The following PARP6 variants were observed in gnomAD, a reference collection of about 807,000 sequenced individuals.
PARP6 encodes poly(ADP-ribose) polymerase family member 6.
PARP6 carries 27 observed loss-of-function variants against 92.0 expected under a neutral mutation model. The ratio of observed to expected loss-of-function variants is 0.29; its 90% CI spans 0.22 to 0.40. The LOEUF (loss-of-function observed/expected upper bound fraction) is 0.40, where lower values mean the gene tolerates loss of function less well. Among genes scored for constraint, PARP6 ranks in the 10% least tolerant of loss-of-function variants. The pLI is 1.00. For missense variants in PARP6, 501 were observed against 784.5 expected, an observed-to-expected ratio of 0.64 and a Z score of 4.32; for synonymous variants, 272 against 281.2, an observed-to-expected ratio of 0.97 and a Z score of 0.33.
intron 4 of PARP6, 25 bp downstream of exon 4, chr15:72,266,720 G>C (rs1419779703): frequency 6.5e-7 from 1 of 1,547,644 alleles, no homozygotes; most frequent in East Asian, 2.2e-5. Flanking sequence ...ATCCAACACG[G>C]GGGTCTTGGG....
chr15:72,265,229 T>G (rs1426105598), intron 6 of PARP6, 58 bp from the exon 7 acceptor site: 2 of 1,257,872 alleles, frequency 1.6e-6, no homozygotes, highest in African/African-American at 2.9e-5. Context: ...GGACCTGAAA[T>G]TTCCCCTATA....
At chr15:72,262,970 T>C (rs1173408211) in intron 8 of PARP6, among the ~76,000 whole-genome samples, 4 of 152,258 alleles carry the variant, frequency 2.6e-5, no homozygotes. Flanking sequence ...CACACATTGA[T>C]GCATATCTTC....
intron 13 of PARP6, among the ~76,000 whole-genome samples, 173 bp from the exon 14 acceptor site, chr15:72,256,763 T>TA (rs1050683983): frequency 6.6e-6 from 1 of 152,224 alleles, no homozygotes; most frequent in African/African-American, 2.4e-5. Context: ...TAATTAAAGA[T>TA]AAAAAACCAT....
At chr15:72,268,559 G>A (rs2086913199) in intron 2 of PARP6, among the ~76,000 whole-genome samples, 1 of 152,246 alleles carries the variant, frequency 6.6e-6, no homozygotes, top group Non-Finnish European at 1.5e-5. Context: ...TTAGCTGGGT[G>A]TGGTGGCGTG....
chr15:72,256,113 A>T (rs2085092381), intron 14 of PARP6, among the ~76,000 whole-genome samples: 1 of 152,088 alleles, frequency 6.6e-6, no homozygotes, highest in Non-Finnish European at 1.5e-5. Context: ...TCATTTGTAT[A>T]ATGATCTGCA....
chr15:72,242,569 C>T lies in PARP6; in HGVS notation c.1641+51G>A, dbSNP rs995408036. 2 of 1,240,910 alleles carry T rather than the reference C, an allele frequency of 1.6e-6. No homozygotes were observed. The highest frequency in any genetic ancestry group is 2.4e-6 in the Non-Finnish European group (2 of 839,854). 76.9% of individuals were successfully genotyped at this position (1,240,910 alleles called of 1,614,324 possible). A position where few individuals can be genotyped will look rare whatever the true frequency, so the allele number is the denominator to read the frequency against. On this transcript the variant is annotated intron_variant, in intron 21 of 23. Coordinates refer to ENST00000569795, the MANE Select transcript of PARP6 (RefSeq NM_001323532.2). The surrounding 1 kb of genome is among the most constrained non-coding windows in gnomAD (Gnocchi z 4.3). Reference sequence around the variant, plus strand: ...ACTGTTTCCCTGTCCAGCTCTGGAGCCTAAATTAGCCCCAGGGAAAGGTCC... The same window carrying T: ...ACTGTTTCCCTGTCCAGCTCTGGAGTCTAAATTAGCCCCAGGGAAAGGTCC...
chr15:72,261,184 T>C (rs2959902), intron 9 of PARP6, among the ~76,000 whole-genome samples: 2,487 of 152,264 alleles, frequency 0.016, 73 homozygotes, highest in African/African-American at 0.055. Flanking sequence ...AATGTAGACC[T>C]GGGGTCAAAG....
chr15:72,246,160 GTTTT>G (rs1160272808), intron 20 of PARP6, among the ~76,000 whole-genome samples: 1 of 152,072 alleles, frequency 6.6e-6, no homozygotes, highest in Non-Finnish European at 1.5e-5. Flanking sequence ...GTTTTGTTTT[GTTTT>G]TTTGAGACGG....
rs781581591 is a variant in PARP6 at position 72,264,591 on chromosome 15, T to C, written c.359A>G (p.Asn120Ser). ...AAGACCCAGCCCAAATCCTTCCTTA[T>C]TTGATGGCTGGAAAACCTCAATGGA... The part of the protein sequence containing the change: ...EPSIEVFQPS[N>S]KEGFGLGLQL... Residue 120 changes from asparagine to serine, a missense_variant, in exon 8 of 24, where the codon AAT becomes AGT. Around this residue, in one of 4 missense-constraint regions of PARP6, gnomAD observed 291 missense variants for 352.0 expected, o/e 0.83. Transcript: ENST00000569795. 4 of 1,614,048 alleles carry C rather than the reference T, an allele frequency of 2.5e-6. No homozygotes were observed. The Admixed American group carries it at 6.7e-5, about 27-fold the overall frequency.
At chr15:72,244,482 C>A (rs1316240522) in intron 20 of PARP6, 1 of 152,210 alleles carries the variant, frequency 6.6e-6, no homozygotes, top group East Asian at 1.9e-4. Context: ...AGTATATCAC[C>A]TCCTTTTTCA....
intron 20 of PARP6, 41 bp downstream of exon 20, chr15:72,249,204 C>T: frequency 8.9e-7 from 1 of 1,121,892 alleles, no homozygotes; most frequent in Admixed American, 1.7e-5. Flanking sequence ...CAAATGGAGG[C>T]AATGTAAATA....
intron 2 of PARP6, among the ~76,000 whole-genome samples, chr15:72,270,666 C>T (rs1295487842): frequency 6.6e-6 from 1 of 152,152 alleles, no homozygotes; most frequent in Non-Finnish European, 1.5e-5. Flanking sequence ...TGGCTTGTTC[C>T]TTCACTCTTC....
At chr15:72,268,469 C>T (rs922615091) in intron 2 of PARP6, among the ~76,000 whole-genome samples, 2 of 152,226 alleles carry the variant, frequency 1.3e-5, no homozygotes, top group African/African-American at 2.4e-5. Context: ...AAGTCCTCAA[C>T]GGCCAGATCA....
intron 15 of PARP6, 46 bp from the exon 16 acceptor site, chr15:72,253,550 C>A (rs2084652638): frequency 2.0e-6 from 3 of 1,496,150 alleles, no homozygotes; most frequent in Non-Finnish European, 2.8e-6. Flanking sequence ...GAGGTGGGAG[C>A]CTACCTGCTT....
chr15:72,251,808 G>C (rs560380978), intron 16 of PARP6, among the ~76,000 whole-genome samples: 49 of 152,296 alleles, frequency 3.2e-4, no homozygotes, highest in Non-Finnish European at 5.7e-4. Flanking sequence ...AGGAGTCAAG[G>C]ACAGACTAAG....
rs1227318982 is a variant in PARP6 at position 72,241,356 on chromosome 15, C to A, written c.*99G>T. 3 of 842,132 alleles carry A rather than the reference C, an allele frequency of 3.6e-6. No individual in the cohort carries two copies. The highest frequency in any genetic ancestry group is 6.1e-6 in the Non-Finnish European group (3 of 494,582). The allele number at this position is 842,132 out of a possible 1,614,324, so 52.2% of individuals were successfully genotyped here. On this transcript the variant is annotated 3_prime_UTR_variant, in exon 24 of 24. Transcript: ENST00000569795. This position sits in a 1 kb window ranked among gnomAD's most constrained non-coding sequence, Gnocchi z 4.1. Reference sequence around the variant, plus strand: ...TTTTCCTGCCCCTTGGTAATGGCCCCTTGATTCCTCAGGGCAGCCTCAGCT... The same window carrying A: ...TTTTCCTGCCCCTTGGTAATGGCCCATTGATTCCTCAGGGCAGCCTCAGCT...
At chr15:72,254,585 G>T in intron 14 of PARP6, 65 bp from the exon 15 acceptor site, 1 of 1,286,854 alleles carries the variant, frequency 7.8e-7, no homozygotes, top group South Asian at 1.2e-5. Context: ...AAGATGTGAT[G>T]AAAAGGGGCT....
chr15:72,255,972 A>T (rs987568825), intron 14 of PARP6, among the ~76,000 whole-genome samples: 4 of 149,970 alleles, frequency 2.7e-5, no homozygotes, highest in Admixed American at 2.0e-4. Context: ...AATTTTTTGT[A>T]TTTTTTAGTA....
rs1398148580 is a variant in PARP6, at chr15:72,263,912, A to C, written c.395+643T>G. ...GTGGTGGGTGACTGTAATCCCAGCT[A>C]CTTAGGAGGCTGAGGCACAGGAATC... On this transcript the variant is annotated intron_variant, in intron 8 of 23. Transcript: ENST00000569795. Among the ~76,000 whole-genome samples, 19 of 151,792 alleles carry C rather than the reference A, an allele frequency of 1.3e-4. 1 individual carries two copies. The highest frequency in any genetic ancestry group is 5.9e-5 in the Non-Finnish European group (4 of 67,956).
Sources: gnomAD v4.1 joint callset for allele counts (sites outside exome capture counted in the v4.1 genomes callset) on GRCh38, gnomAD v4.1.1 for gene constraint, gnomAD v4.1.1 regional missense constraint, Gnocchi (gnomAD v3.1) non-coding constraint, MANE v1.5 for transcripts, NCBI Gene and HGNC (gene_info 2026-07-23, HGNC 2026-07-21) for gene names.